Variants in PCBP3 observed in about 807,000 individuals in gnomAD.
PCBP3 encodes poly(rC) binding protein 3.
In PCBP3, 25 loss-of-function variants were observed where a neutral mutation model predicts 52.7. The ratio of observed to expected loss-of-function variants is 0.47; its 90% CI spans 0.35 to 0.66. The LOEUF is 0.66. PCBP3 is among the 30% of genes least tolerant of loss of function. PCBP3 has a pLI of 0.01. For missense variants in PCBP3, 391 were observed against 490.3 expected (o/e 0.80, Z 1.91); for synonymous variants, 162 against 183.0 (o/e 0.89, Z 0.93).
In PCBP3 at chr21:45,656,949, G is replaced by A. The variant is rs1194577018; in HGVS notation, c.-278-11925G>A. On this transcript the variant is annotated intron_variant, in intron 1 of 17. Coordinates refer to ENST00000681687, the MANE Select transcript of PCBP3 (RefSeq NM_001384156.1). The surrounding 1 kb of genome is among the most constrained non-coding windows in gnomAD (Gnocchi z 4.3). ...CCATTCTCCTGCCTCAGCCTCCCGA[G>A]TAGCTGGGACTACAGGTGCCCGCCA... 6.6e-6 allele frequency among the ~76,000 whole-genome samples: 1 copy of A among 152,062 alleles called. No homozygotes were observed. Among genetic ancestry groups the A allele is most frequent in the African/African-American group, 2.4e-5 (1 of 41,382 alleles).
intron 9 of PCBP3, among the ~76,000 whole-genome samples, chr21:45,909,108 C>T (rs142931137): frequency 1.7e-3 from 253 of 152,040 alleles, no homozygotes; most frequent in African/African-American, 5.1e-3. Context: ...AGGCCAGACC[C>T]GCCCCAACCC....
At chr21:45,682,750 A>C (rs1413418507) in intron 2 of PCBP3, among the ~76,000 whole-genome samples, 1 of 152,146 alleles carries the variant, frequency 6.6e-6, no homozygotes, top group Non-Finnish European at 1.5e-5. Context: ...TAGGGGGAAC[A>C]GAAGGATGAT....
chr21:45,884,775 C>CAT (rs1377096393), intron 5 of PCBP3, among the ~76,000 whole-genome samples: 1 of 152,234 alleles, frequency 6.6e-6, no homozygotes, highest in Admixed American at 6.5e-5. Context: ...GTTGCCCAGG[C>CAT]ATATATGTGT....
intron 3 of PCBP3, among the ~76,000 whole-genome samples, chr21:45,754,107 T>C (rs2087803042): frequency 6.6e-6 from 1 of 152,214 alleles, no homozygotes; most frequent in Non-Finnish European, 1.5e-5. Context: ...TATTAGGTCA[T>C]TCTGAAATTG....
At position 45,816,498 on chromosome 21, in the gene PCBP3, CCCCCT is replaced by C. The variant is rs1211168287; in HGVS notation, c.-125-33432_-125-33428del. On this transcript the variant is annotated intron_variant, in intron 4 of 17. Coordinates refer to ENST00000681687, the MANE Select transcript of PCBP3 (RefSeq NM_001384156.1). ...CCCTCCTCCCCCTCCTCCTCCCCTTCCCCCTCCCCTCCCCTCCCCTCCCCTCCCCT... is the reference window on the plus strand; with the variant it reads ...CCCTCCTCCCCCTCCTCCTCCCCTTCCCCCTCCCCTCCCCTCCCCTCCCCT... Among the ~76,000 whole-genome samples the C allele has an allele frequency of 3.9e-3, 215 of 55,228 alleles. 13 individuals carry two copies. The highest frequency in any genetic ancestry group is 0.014 in the African/African-American group (182 of 12,752). 36.2% of individuals were successfully genotyped at this position (55,228 alleles called of 152,430 possible).
chr21:45,867,217 G>A (rs955757816), intron 5 of PCBP3, among the ~76,000 whole-genome samples: 1 of 152,228 alleles, frequency 6.6e-6, no homozygotes, highest in Non-Finnish European at 1.5e-5. Flanking sequence ...AACAAAACGC[G>A]GGCACGCAAC....
At chr21:45,854,464 A>G (rs768470780) in intron 5 of PCBP3, among the ~76,000 whole-genome samples, 1 of 152,078 alleles carries the variant, frequency 6.6e-6, no homozygotes, top group Non-Finnish European at 1.5e-5. Flanking sequence ...CTCTGTCTCT[A>G]GGAATCTGAC....
intron 5 of PCBP3, among the ~76,000 whole-genome samples, chr21:45,868,695 C>T (rs897135664): frequency 2.0e-5 from 3 of 152,222 alleles, no homozygotes; most frequent in African/African-American, 7.2e-5. Flanking sequence ...TTGTCCACAT[C>T]CCCGTTGCAC....
rs2093624902 is a variant in PCBP3 at position 45,837,898 on chromosome 21, A to G, written c.-125-12063A>G. On this transcript the variant is annotated intron_variant, in intron 4 of 17. Transcript: ENST00000681687. This position sits in a 1 kb window ranked among gnomAD's most constrained non-coding sequence, Gnocchi z 4.1. ...ATATTCATTGATGGTCATTGCCTGG[A>G]TGCAGTACACATTAGGGGCTGCAGA... Among the ~76,000 whole-genome samples the G allele has an allele frequency of 6.6e-6, 1 of 152,196 alleles. No individual in the cohort carries two copies. The highest frequency in any genetic ancestry group is 1.5e-5 in the Non-Finnish European group (1 of 68,026).
At chr21:45,703,133 A>C (rs1046867541) in intron 2 of PCBP3, among the ~76,000 whole-genome samples, 1 of 152,324 alleles carries the variant, frequency 6.6e-6, no homozygotes, top group East Asian at 1.9e-4. Flanking sequence ...ACTTCCTTCA[A>C]TAAAGGATGG....
chr21:45,804,216 T>C (rs1354654622), intron 4 of PCBP3, among the ~76,000 whole-genome samples: 1 of 152,250 alleles, frequency 6.6e-6, no homozygotes, highest in South Asian at 2.1e-4. Flanking sequence ...CACCGGGCTT[T>C]GTGCTGCAGG....
intron 3 of PCBP3, among the ~76,000 whole-genome samples, chr21:45,752,096 T>A (rs940501074): frequency 3.9e-5 from 6 of 152,162 alleles, no homozygotes; most frequent in Non-Finnish European, 8.8e-5. Flanking sequence ...TTTTCTCATG[T>A]CATTTTGCTA....
chr21:45,726,791 C>T (rs1202121782), intron 2 of PCBP3, among the ~76,000 whole-genome samples: 2 of 152,208 alleles, frequency 1.3e-5, no homozygotes, highest in Non-Finnish European at 2.9e-5. Context: ...GCCAGATCGT[C>T]TTTTCATGTG....
chr21:45,775,249 C>T (rs142193009), intron 4 of PCBP3, among the ~76,000 whole-genome samples: 1 of 151,964 alleles, frequency 6.6e-6, no homozygotes, highest in East Asian at 1.9e-4. Context: ...AGGTTGTATA[C>T]TTCCAGGAGT....
At chr21:45,906,026 C>A (rs559199054) in intron 9 of PCBP3, among the ~76,000 whole-genome samples, 1 of 152,138 alleles carries the variant, frequency 6.6e-6, no homozygotes, top group Non-Finnish European at 1.5e-5. Flanking sequence ...AGAACTGAAT[C>A]GCTAGGGAGA....
At chr21:45,823,961 C>T (rs2093229265) in intron 4 of PCBP3, among the ~76,000 whole-genome samples, 1 of 152,158 alleles carries the variant, frequency 6.6e-6, no homozygotes, top group Non-Finnish European at 1.5e-5. Context: ...AGGCTGGTCT[C>T]AAACTCCTGA....
chr21:45,899,743 C>G (rs1212612556), intron 7 of PCBP3, 121 bp downstream of exon 7: 4 of 724,152 alleles, frequency 5.5e-6, no homozygotes, highest in Middle Eastern at 2.4e-4. Flanking sequence ...GGTGGGTGGT[C>G]TGTGTTCCAT....
chr21:45,680,984 G>T (rs1425948414), intron 2 of PCBP3, among the ~76,000 whole-genome samples: 3 of 152,160 alleles, frequency 2.0e-5, no homozygotes, highest in African/African-American at 7.2e-5. Context: ...TTTGGTATTT[G>T]GTGAGAGCCT....
intron 2 of PCBP3, among the ~76,000 whole-genome samples, chr21:45,722,708 A>T (rs1012498755): frequency 6.6e-6 from 1 of 152,144 alleles, no homozygotes; most frequent in Non-Finnish European, 1.5e-5. Flanking sequence ...AAAAATGTAT[A>T]TAGGTAAATG....
Sources: gnomAD v4.1 joint callset for allele counts (sites outside exome capture counted in the v4.1 genomes callset) on GRCh38, gnomAD v4.1.1 for gene constraint, Gnocchi (gnomAD v3.1) non-coding constraint, MANE v1.5 for transcripts, NCBI Gene and HGNC (gene_info 2026-07-23, HGNC 2026-07-21) for gene names.